The following PPP2R3A variants were observed in gnomAD, a reference collection of about 807,000 sequenced individuals.
The protein encoded by PPP2R3A is serine/threonine-protein phosphatase 2A regulatory subunit B'' subunit alpha.
Under a neutral mutation model 106.9 loss-of-function variants are expected in PPP2R3A, and 80 were observed. The observed-to-expected ratio is 0.75, with a 90% CI of 0.62 to 0.90. The LOEUF (loss-of-function observed/expected upper bound fraction) is 0.90, where lower values mean the gene tolerates loss of function less well. PPP2R3A is among the 40% of genes least tolerant of loss of function. The pLI is 0.00. For missense variants in PPP2R3A, 1,386 were observed against 1,350.4 expected (o/e 1.03, Z -0.41); for synonymous variants, 483 against 468.3 (o/e 1.03, Z -0.41).
intron 13 of PPP2R3A, among the ~76,000 whole-genome samples, chr3:136,110,520 T>C (rs1937578113): frequency 6.6e-6 from 1 of 152,186 alleles, no homozygotes; most frequent in African/African-American, 2.4e-5. Context: ...AGCTTAATAA[T>C]TCCGAGAATT....
At chr3:136,041,672 T>TG (rs1559884530) in intron 4 of PPP2R3A, among the ~76,000 whole-genome samples, 2 of 79,984 alleles carry the variant, frequency 2.5e-5, no homozygotes, top group African/African-American at 1.4e-4. Flanking sequence ...TTCATTCCCA[T>TG]AGATCCAATT....
chr3:136,013,120 T>C (rs2107804084), intron 2 of PPP2R3A, among the ~76,000 whole-genome samples: 1 of 152,192 alleles, frequency 6.6e-6, no homozygotes, highest in South Asian at 2.1e-4. Flanking sequence ...GCGAATGCCA[T>C]TATTTCATTA....
intron 10 of PPP2R3A, among the ~76,000 whole-genome samples, chr3:136,096,003 G>A (rs187007028): frequency 6.6e-6 from 1 of 152,128 alleles, no homozygotes. Flanking sequence ...CCTTAAATAT[G>A]CTCAGAACAC....
chr3:136,026,734 C>A, intron 2 of PPP2R3A, 98 bp from the exon 3 acceptor site: 2 of 1,156,252 alleles, frequency 1.7e-6, no homozygotes, highest in East Asian at 2.5e-5. Flanking sequence ...TTAATCTCTC[C>A]TGTCTCTGAT....
intron 2 of PPP2R3A, among the ~76,000 whole-genome samples, chr3:136,017,766 A>G (rs1175889183): frequency 6.6e-6 from 1 of 152,144 alleles, no homozygotes; most frequent in African/African-American, 2.4e-5. Context: ...TGCTTCTAAC[A>G]CTAACCTCAA....
At position 136,002,644 on chromosome 3, in the gene PPP2R3A, A is replaced by C. The variant is rs71336047; in HGVS notation, c.1146A>C (p.Val382=). 7.1e-4 allele frequency: 1,144 copies of C among 1,613,590 alleles called. 3 individuals are homozygous for C. In the Middle Eastern group the frequency reaches 0.015, roughly 20 times the overall value. The change falls in exon 2 of 14, where the codon GTA becomes GTC. Residue 382 remains valine (V), a synonymous_variant. Coordinates refer to ENST00000264977, the MANE Select transcript of PPP2R3A (RefSeq NM_002718.5). ...CAAATTCCTTATATAACTTAGAGGT[A>C]AATGATCCTAGAACTCTAAAAGCTG... ...NSTNSLYNLE[V]NDPRTLKAVQ...
intron 4 of PPP2R3A, among the ~76,000 whole-genome samples, chr3:136,048,845 G>A (rs1394729225): frequency 6.6e-6 from 1 of 152,156 alleles, no homozygotes; most frequent in Admixed American, 6.5e-5. Context: ...GAAACAACAT[G>A]GTAGTTGATA....
chr3:135,966,198 C>T (rs1316107987), intron 1 of PPP2R3A, among the ~76,000 whole-genome samples: 1 of 152,166 alleles, frequency 6.6e-6, no homozygotes, highest in Non-Finnish European at 1.5e-5. Flanking sequence ...GGCCAGTTCG[C>T]CCGCACAGCC....
chr3:136,028,504 T>C (rs1244120786), intron 3 of PPP2R3A, among the ~76,000 whole-genome samples: 1 of 152,248 alleles, frequency 6.6e-6, no homozygotes, highest in African/African-American at 2.4e-5. Flanking sequence ...GTCACAGAGC[T>C]AGTTCATGCC....
chr3:135,982,808 A>G, intron 1 of PPP2R3A, among the ~76,000 whole-genome samples: 1 of 152,054 alleles, frequency 6.6e-6, no homozygotes, highest in East Asian at 1.9e-4. Flanking sequence ...CACCTTTCAT[A>G]ATATTGAATG....
chr3:136,046,331 A>G (rs1281850528), intron 4 of PPP2R3A, among the ~76,000 whole-genome samples: 2 of 152,058 alleles, frequency 1.3e-5, no homozygotes, highest in Non-Finnish European at 1.5e-5. Flanking sequence ...ATGGGCACCT[A>G]TAATCCCAGC....
rs536472684 is a variant in PPP2R3A at position 136,055,729 on chromosome 3, C to A, written c.2469+6368C>A. 3.5e-4 allele frequency: 245 copies of A among 698,976 alleles called. No individual in the cohort carries two copies. The East Asian group carries it at 5.8e-3, about 17-fold the overall frequency. The allele number at this position is 698,976 out of a possible 1,614,324, so 43.3% of individuals were successfully genotyped here. A position where few individuals can be genotyped will look rare whatever the true frequency, so the allele number is the denominator to read the frequency against. The stretch of plus-strand genomic sequence containing the variant: ...GGAGCAACTTAGAGAAATACCACTA[C>A]TTGGGAAATCATCTTTATGGAATGT... On this transcript the variant is annotated intron_variant, in intron 5 of 13. Coordinates refer to ENST00000264977, the MANE Select transcript of PPP2R3A (RefSeq NM_002718.5).
chr3:136,079,631 A>G (rs952293352), intron 7 of PPP2R3A, among the ~76,000 whole-genome samples: 3 of 151,060 alleles, frequency 2.0e-5, no homozygotes. Context: ...CTGGTCTCCA[A>G]CTCCTGACCT....
chr3:136,028,525 T>G (rs1321741916), intron 3 of PPP2R3A, among the ~76,000 whole-genome samples: 2 of 152,214 alleles, frequency 1.3e-5, no homozygotes, highest in Admixed American at 6.5e-5. Context: ...GGGAGACAAG[T>G]TGTCTAACTT....
intron 6 of PPP2R3A, among the ~76,000 whole-genome samples, chr3:136,071,642 T>G (rs1448970990): frequency 6.6e-6 from 1 of 152,130 alleles, no homozygotes; most frequent in East Asian, 1.9e-4. Context: ...AATTGTCCTT[T>G]TAAAAAATCA....
intron 5 of PPP2R3A, among the ~76,000 whole-genome samples, chr3:136,059,019 G>A (rs1431717149): frequency 2.6e-5 from 4 of 151,912 alleles, no homozygotes; most frequent in Non-Finnish European, 4.4e-5. Flanking sequence ...AATGTAAAAC[G>A]CAAAACTATA....
chr3:135,989,538 A>G (rs934401125), intron 1 of PPP2R3A, among the ~76,000 whole-genome samples: 4 of 146,290 alleles, frequency 2.7e-5, no homozygotes, highest in African/African-American at 5.2e-5. Context: ...TTCTTCATCC[A>G]CAAAGAATTC....
At chr3:136,061,649 A>G (rs1936078327) in intron 5 of PPP2R3A, among the ~76,000 whole-genome samples, 1 of 152,000 alleles carries the variant, frequency 6.6e-6, no homozygotes. Context: ...GGCCGGGCAC[A>G]GTGGCTCACG....
chr3:136,030,822 G>GTATGTA (rs1934858721), intron 3 of PPP2R3A, among the ~76,000 whole-genome samples: 1 of 137,980 alleles, frequency 7.2e-6, no homozygotes, highest in Non-Finnish European at 1.5e-5. Context: ...ATGTATGTAT[G>GTATGTA]TATACACACA....
Sources: gnomAD v4.1 joint callset for allele counts (sites outside exome capture counted in the v4.1 genomes callset) on GRCh38, gnomAD v4.1.1 for gene constraint, MANE v1.5 for transcripts, NCBI Gene and HGNC (gene_info 2026-07-23, HGNC 2026-07-21) for gene names.